Variants in MSLN observed in about 807,000 individuals in gnomAD.
MSLN encodes mesothelin.
A neutral mutation model predicts 72.6 loss-of-function variants in MSLN; 82 were observed. The ratio of observed to expected loss-of-function variants is 1.13; its 90% CI spans 0.94 to 1.36. The LOEUF (loss-of-function observed/expected upper bound fraction) is 1.36, where lower values mean the gene tolerates loss of function less well. Among genes scored for constraint, MSLN ranks in the 40% most tolerant of loss-of-function variants. The pLI is 0.00. For missense variants in MSLN, 1,005 were observed against 847.9 expected (o/e 1.19, Z -2.30); for synonymous variants, 456 against 387.3 (o/e 1.18, Z -2.08).
In MSLN at chr16:766,043, C is replaced by A; in HGVS notation, c.896-16C>A. ...AACGAACTCCGGCCCTGACCCCTGA[C>A]CCCTGTGCCCTGCAGAGACAGCCTG... is the stretch of plus-strand genomic sequence containing the variant. On this transcript the variant is annotated splice_polypyrimidine_tract_variant and intron_variant, in intron 11 of 17. Coordinates refer to ENST00000545450, the MANE Select transcript of MSLN (RefSeq NM_005823.6). 1 of 1,597,558 alleles carries A rather than the reference C, an allele frequency of 6.3e-7. No individual in the cohort carries two copies. Among genetic ancestry groups the A allele is most frequent in the Non-Finnish European group, 8.5e-7 (1 of 1,171,138 alleles).
At chr16:764,608 G>A (rs374815408) in intron 6 of MSLN, 39 bp from the exon 7 acceptor site, 123 of 1,569,912 alleles carry the variant, frequency 7.8e-5, no homozygotes, top group Non-Finnish European at 9.8e-5. Flanking sequence ...TGTGAGTGGC[G>A]GCTCGAAACG....
rs562393857 is a variant in MSLN at position 767,458 on chromosome 16, G to C, written c.1584G>C (p.Thr528=). The C allele has an allele frequency of 1.3e-6, 2 of 1,597,232 alleles. No homozygotes were observed. Among genetic ancestry groups the C allele is most frequent in the Non-Finnish European group, 1.7e-6 (2 of 1,175,418 alleles). The change falls in exon 16 of 18, where the codon ACG becomes ACC. Residue 528 remains threonine (T), a synonymous_variant. Transcript: ENST00000545450. ...TGGCCACGTTCATGAAGCTGCGGAC[G>C]GATGCGGTGCTGGTATGGCGAGCGG... ...MDLATFMKLR[T]DAVLPLTVAE...
At chr16:761,588 C>G (rs1176246229) in intron 2 of MSLN, among the ~76,000 whole-genome samples, 1 of 152,000 alleles carries the variant, frequency 6.6e-6, no homozygotes, top group Non-Finnish European at 1.5e-5. Flanking sequence ...TTCACGCACC[C>G]CAAGGGCTGG....
intron 16 of MSLN, among the ~76,000 whole-genome samples, chr16:767,893 A>G (rs1286189814): frequency 3.8e-4 from 1 of 2,624 alleles, no homozygotes; most frequent in East Asian, 0.013. Flanking sequence ...GGAGGGGCGC[A>G]TGGGGGGGTG....
rs1040337916 is a variant in MSLN at position 763,550 on chromosome 16, C to T, written c.130-92C>T. On this transcript the variant is annotated intron_variant, in intron 4 of 17. Coordinates refer to ENST00000545450, the MANE Select transcript of MSLN (RefSeq NM_005823.6). Reference sequence around the variant, plus strand: ...GCCAGGCCTGGGAAGTAGCTGAACTCGGGGAGTACCTGGCCCAGGGGTAGC... The same window carrying T: ...GCCAGGCCTGGGAAGTAGCTGAACTTGGGGAGTACCTGGCCCAGGGGTAGC... 1.5e-5 allele frequency: 19 copies of T among 1,289,076 alleles called. 1 individual carries two copies. The highest frequency in any genetic ancestry group is 2.9e-5 in the South Asian group (2 of 69,022). The allele number at this position is 1,289,076 out of a possible 1,614,324, so 79.9% of individuals were successfully genotyped here.
intron 4 of MSLN, 91 bp from the exon 5 acceptor site, chr16:763,551 G>C: frequency 1.5e-6 from 2 of 1,299,690 alleles, no homozygotes; most frequent in South Asian, 1.4e-5. Context: ...AGCTGAACTC[G>C]GGGAGTACCT....
chr16:763,731 G>A (rs376519055), intron 5 of MSLN, 40 bp downstream of exon 5: 88 of 974,512 alleles, frequency 9.0e-5, no homozygotes, highest in South Asian at 1.2e-4. Context: ...GGTGAGGCTC[G>A]AGGGGCCCTC....
Position 768,639 on chromosome 16 carries a change from T to C in MSLN, c.1784-9T>C, listed in dbSNP as rs1363664452. 1.2e-6 allele frequency: 2 copies of C among 1,610,916 alleles called. No homozygotes were observed. The highest frequency in any genetic ancestry group is 3.3e-5 in the Admixed American group (2 of 59,954). Reference sequence around the variant, plus strand: ...AGGTGGGCGCTCTGAGTCACCCCTCTCTCTGTAGAGGCCCTCTCGGGGACG... The same window carrying C: ...AGGTGGGCGCTCTGAGTCACCCCTCCCTCTGTAGAGGCCCTCTCGGGGACG... On this transcript the variant is annotated splice_polypyrimidine_tract_variant and intron_variant, in intron 17 of 17. Coordinates refer to ENST00000545450, the MANE Select transcript of MSLN (RefSeq NM_005823.6).
At position 764,544 on chromosome 16, in the gene MSLN, C is replaced by G. The variant is rs2041578171; in HGVS notation, c.301-103C>G. 14 of 989,234 alleles carry G rather than the reference C, an allele frequency of 1.4e-5. No homozygotes were observed. In the South Asian group the frequency reaches 1.5e-4, roughly 11 times the overall value. 61.3% of individuals were successfully genotyped at this position (989,234 alleles called of 1,614,324 possible). On this transcript the variant is annotated intron_variant, in intron 6 of 17. Coordinates refer to ENST00000545450, the MANE Select transcript of MSLN (RefSeq NM_005823.6). ...ATCCACTTCCACAGATTCTCGTGGC[C>G]AGGGCAGGGGTGTGTTGTGGTGGGC...
At position 766,318 on chromosome 16, in the gene MSLN, G is replaced by A. The variant is rs750340466; in HGVS notation, c.1075-17G>A. The stretch of plus-strand genomic sequence containing the variant: ...CTCTGGGAGTGACATGGGCCCTCCT[G>A]GTCTCTTGGCCTGCAGCTCTACCCA... On this transcript the variant is annotated splice_polypyrimidine_tract_variant and intron_variant, in intron 12 of 17. Coordinates refer to ENST00000545450, the MANE Select transcript of MSLN (RefSeq NM_005823.6). The A allele has an allele frequency of 8.1e-6, 13 of 1,612,226 alleles. No homozygotes were observed. The South Asian group carries it at 1.2e-4, about 15-fold the overall frequency.
In MSLN at chr16:766,191, C is replaced by T; in HGVS notation, c.1028C>T (p.Pro343Leu). The stretch of plus-strand genomic sequence containing the variant: ...CAGATGGACCGCGTGAACGCCATCC[C>T]CTTCACCTACGAGCAGCTGGACGTC... ...ATQMDRVNAI[P>L]FTYEQLDVLK... Residue 343 changes from proline (P) to leucine (L), a missense_variant, in exon 12 of 18, where the codon CCC (proline) becomes CTC (leucine). Coordinates refer to ENST00000545450, the MANE Select transcript of MSLN (RefSeq NM_005823.6). The T allele has an allele frequency of 5.6e-6, 9 of 1,612,402 alleles. No homozygotes were observed. Among genetic ancestry groups the T allele is most frequent in the South Asian group, 1.1e-5 (1 of 91,082 alleles).
rs374418356 is a variant in MSLN, at chr16:767,477, C to G, written c.1596+7C>G. On this transcript the variant is annotated splice_region_variant and intron_variant, in intron 16 of 17. Coordinates refer to ENST00000545450, the MANE Select transcript of MSLN (RefSeq NM_005823.6). ...GCGGACGGATGCGGTGCTGGTATGG[C>G]GAGCGGGAGGAGGGGCGTGTGGAGG... 1.3e-6 allele frequency: 2 copies of G among 1,502,312 alleles called. No individual in the cohort carries two copies. Among genetic ancestry groups the G allele is most frequent in the Admixed American group, 2.0e-5 (1 of 51,246 alleles). 93.1% of individuals were successfully genotyped at this position (1,502,312 alleles called of 1,614,324 possible).
Position 762,769 on chromosome 16 carries a change from C to A in MSLN, c.85+4C>A, listed in dbSNP as rs369368265. 2.0e-5 allele frequency: 32 copies of A among 1,574,238 alleles called. No homozygotes were observed. In the African/African-American group the frequency reaches 4.2e-4, roughly 21 times the overall value. On this transcript the variant is annotated splice_donor_region_variant and intron_variant, in intron 3 of 17. Coordinates refer to ENST00000545450, the MANE Select transcript of MSLN (RefSeq NM_005823.6). ...CTGTTCCTGCTCTTCAGCCTCGGTGCGTACTTGATGGGGCTGCTGGTGAGG... is the reference window on the plus strand; with the variant it reads ...CTGTTCCTGCTCTTCAGCCTCGGTGAGTACTTGATGGGGCTGCTGGTGAGG...
At position 765,578 on chromosome 16, in the gene MSLN, G is replaced by A. The variant is rs376375067; in HGVS notation, c.756G>A (p.Leu252=). Reference sequence around the variant, plus strand: ...CGATGGACGCTCTGCGGGGCCTGCTGCCCGTGCTGGGCCAGCCCATCATCC... The same window carrying A: ...CGATGGACGCTCTGCGGGGCCTGCTACCCGTGCTGGGCCAGCCCATCATCC... ...VSTMDALRGL[L]PVLGQPIIRS... Residue 252 remains leucine, a synonymous_variant, in exon 10 of 18, where the codon CTG becomes CTA. Coordinates refer to ENST00000545450, the MANE Select transcript of MSLN (RefSeq NM_005823.6). 6 of 1,605,970 alleles carry A rather than the reference G, an allele frequency of 3.7e-6. No individual in the cohort carries two copies. Among genetic ancestry groups the A allele is most frequent in the Non-Finnish European group, 5.1e-6 (6 of 1,179,436 alleles).
In MSLN at chr16:762,178, G is replaced by A. The variant is rs1028638556; in HGVS notation, c.-9-494G>A. ...GGAAGGGGCGGTGGCCTCTGTGCCC[G>A]CAGTGCCCCTCCTGCCTCAAGGGTG... On this transcript the variant is annotated intron_variant, in intron 2 of 17. Transcript: ENST00000545450. Among the ~76,000 whole-genome samples, 50 of 152,340 alleles carry A rather than the reference G, an allele frequency of 3.3e-4. 1 individual carries two copies. The highest frequency in any genetic ancestry group is 1.8e-3 in the Admixed American group (28 of 15,310).
chr16:766,141 C>A lies in MSLN; in HGVS notation c.978C>A (p.Cys326Ter), dbSNP rs141220672. 6.2e-7 allele frequency: 1 copy of A among 1,612,756 alleles called. No homozygotes were observed. Among genetic ancestry groups the A allele is most frequent in the Non-Finnish European group, 8.5e-7 (1 of 1,179,920 alleles). The change falls in exon 12 of 18, where the codon TGC becomes TGA. Residue 326 changes from cysteine (C) to a stop codon, truncating the protein, a stop_gained. Transcript: ENST00000545450. LOFTEE classifies it high-confidence loss of function. ...ACAAGAAGTGGGAGCTGGAAGCCTGCGTGGATGCGGCCCTGCTGGCCACCC... is the reference window on the plus strand; with the variant it reads ...ACAAGAAGTGGGAGCTGGAAGCCTGAGTGGATGCGGCCCTGCTGGCCACCC... ...IFYKKWELEA[C>*]VDAALLATQM... is the part of the protein sequence containing the mutation.
At chr16:765,946 C>T in intron 11 of MSLN, 113 bp from the exon 12 acceptor site, 2 of 1,357,562 alleles carry the variant, frequency 1.5e-6, no homozygotes, top group Non-Finnish European at 2.0e-6. Flanking sequence ...AGTGGGTAAA[C>T]TGAGGCACAG....
In MSLN at chr16:762,452, G is replaced by C. The variant is rs762429728; in HGVS notation, c.-9-220G>C. On this transcript the variant is annotated intron_variant, in intron 2 of 17. Transcript: ENST00000545450. ...TCCTGGGCTGTCTGGGCTGGGGACC[G>C]GGATCTCAGACCCAGCCCCTCCCCT... 58 of 545,954 alleles carry C rather than the reference G, an allele frequency of 1.1e-4. No homozygotes were observed. The East Asian group carries it at 1.8e-3, about 17-fold the overall frequency. The allele number at this position is 545,954 out of a possible 1,614,324, so 33.8% of individuals were successfully genotyped here.
At position 765,013 on chromosome 16, in the gene MSLN, C is replaced by A; in HGVS notation, c.487C>A (p.Leu163Met). ...PRGAPERQRLLPAALACWGVR... is the reference protein window; with the variant it reads ...PRGAPERQRLMPAALACWGVR... ...GGGGGCTCCCGAGCGACAGCGGCTG[C>A]TGCCTGCGGCTCTGGCCTGCTGGGT... The change falls in exon 8 of 18, where the codon CTG becomes ATG. Residue 163 changes from leucine (L) to methionine (M), a missense_variant. By Grantham distance (15) the Leu-to-Met change is conservative. Coordinates refer to ENST00000545450, the MANE Select transcript of MSLN (RefSeq NM_005823.6). 6.2e-7 allele frequency: 1 copy of A among 1,611,572 alleles called. No individual in the cohort carries two copies. Among genetic ancestry groups the A allele is most frequent in the Non-Finnish European group, 8.5e-7 (1 of 1,179,490 alleles).
Sources: gnomAD v4.1 joint callset for allele counts (sites outside exome capture counted in the v4.1 genomes callset) on GRCh38, gnomAD v4.1.1 for gene constraint, MANE v1.5 for transcripts, NCBI Gene and HGNC (gene_info 2026-07-23, HGNC 2026-07-21) for gene names.